The following DLGAP2 variants were observed in gnomAD, a reference collection of about 807,000 sequenced individuals.
DLGAP2 encodes DLG associated protein 2.
Under a neutral mutation model 100.3 loss-of-function variants are expected in DLGAP2, and 26 were observed. The ratio of observed to expected loss-of-function variants is 0.26; its 90% CI spans 0.19 to 0.36. The LOEUF (loss-of-function observed/expected upper bound fraction) is 0.36, where lower values mean the gene tolerates loss of function less well. DLGAP2 is among the 10% of genes least tolerant of loss of function. The pLI is 1.00. For synonymous variants in DLGAP2, 886 were observed against 630.1 expected (o/e 1.41, Z -6.08); for missense variants, 1,858 against 1,453.2 (o/e 1.28, Z -4.53).
intron 10 of DLGAP2, among the ~76,000 whole-genome samples, chr8:1,672,587 G>C (rs1388403889): frequency 1.3e-5 from 2 of 152,200 alleles, no homozygotes; most frequent in African/African-American, 4.8e-5. Flanking sequence ...GGGCAGCCTG[G>C]AAAAGACTCT....
chr8:971,477 C>T (rs535780809), intron 2 of DLGAP2, among the ~76,000 whole-genome samples: 2 of 152,304 alleles, frequency 1.3e-5, no homozygotes, highest in Non-Finnish European at 2.9e-5. Context: ...TTGTTACCAC[C>T]ACTGGGAGAA....
chr8:1,225,790 G>A (rs1650955840), intron 2 of DLGAP2, among the ~76,000 whole-genome samples: 1 of 152,140 alleles, frequency 6.6e-6, no homozygotes, highest in Admixed American at 6.5e-5. Context: ...GTGTATTGTG[G>A]TGAATGCAGT....
chr8:1,665,696 T>C lies in DLGAP2; in HGVS notation c.1811-2633T>C, dbSNP rs564226954. 6.5e-4 allele frequency among the ~76,000 whole-genome samples: 99 copies of C among 152,354 alleles called. 1 individual carries two copies. Among genetic ancestry groups the C allele is most frequent in the African/African-American group, 2.2e-3 (90 of 41,588 alleles). On this transcript the variant is annotated intron_variant, in intron 8 of 14. Transcript: ENST00000637795. ...GCCAGCTTTGCCACTGGAGAGGTCA[T>C]TGAGAGCCCCCGTCCGCAGTCTCGC...
intron 2 of DLGAP2, among the ~76,000 whole-genome samples, chr8:1,100,149 A>G (rs555224890): frequency 4.0e-5 from 6 of 148,330 alleles, no homozygotes; most frequent in African/African-American, 1.5e-4. Context: ...TTTGTCCAGC[A>G]TGTCCACAGT....
rs138648599 is a variant in DLGAP2, at chr8:1,413,855, G to A, written c.107-87511G>A. Among the ~76,000 whole-genome samples the A allele has an allele frequency of 3.5e-3, 531 of 152,338 alleles. 3 individuals carry two copies. Among genetic ancestry groups the A allele is most frequent in the African/African-American group, 0.012 (491 of 41,562 alleles). On this transcript the variant is annotated intron_variant, in intron 3 of 14. Transcript: ENST00000637795. The stretch of plus-strand genomic sequence containing the variant: ...TGAGGCACAGCCTGAGAAGAGGCAC[G>A]TGCAGATGCACAATGTCAATGGCAT...
intron 3 of DLGAP2, among the ~76,000 whole-genome samples, chr8:1,271,275 G>A (rs1052727220): frequency 2.6e-5 from 4 of 152,264 alleles, no homozygotes; most frequent in South Asian, 2.1e-4. Flanking sequence ...TCCAGCCAGC[G>A]GTGTGACTTC....
intron 10 of DLGAP2, among the ~76,000 whole-genome samples, chr8:1,675,461 G>C (rs564270988): frequency 6.6e-6 from 1 of 152,208 alleles, no homozygotes; most frequent in Non-Finnish European, 1.5e-5. Context: ...CACCAAATAA[G>C]TCTTCGCTGT....
intron 2 of DLGAP2, among the ~76,000 whole-genome samples, chr8:934,424 C>T (rs567958705): frequency 3.3e-5 from 5 of 152,264 alleles, no homozygotes; most frequent in African/African-American, 9.6e-5. Flanking sequence ...TTAGTGGGAA[C>T]GGCAGCCTGT....
chr8:1,312,303 C>A (rs181207079), intron 3 of DLGAP2, among the ~76,000 whole-genome samples: 11 of 152,152 alleles, frequency 7.2e-5, no homozygotes, highest in South Asian at 4.1e-4. Flanking sequence ...GAGACCGCAC[C>A]GAAGGCACCT....
At chr8:1,251,693 G>A (rs117539097) in intron 2 of DLGAP2, among the ~76,000 whole-genome samples, 1 of 152,172 alleles carries the variant, frequency 6.6e-6, no homozygotes, top group Non-Finnish European at 1.5e-5. Context: ...TGTGATCGTG[G>A]AGTCAGGTCA....
intron 8 of DLGAP2, among the ~76,000 whole-genome samples, chr8:1,651,670 A>G (rs1798168291): frequency 6.6e-6 from 1 of 152,204 alleles, no homozygotes; most frequent in South Asian, 2.1e-4. Context: ...CTCTGCGTTC[A>G]CAAAACCACC....
chr8:773,041 G>T (rs945609094), intron 1 of DLGAP2, among the ~76,000 whole-genome samples: 2 of 152,160 alleles, frequency 1.3e-5, no homozygotes, highest in African/African-American at 2.4e-5. Context: ...GTGGAGGAGT[G>T]CCCAGGCCAT....
intron 2 of DLGAP2, among the ~76,000 whole-genome samples, chr8:1,245,280 A>T (rs1270279404): frequency 6.6e-6 from 1 of 152,204 alleles, no homozygotes; most frequent in South Asian, 2.1e-4. Flanking sequence ...CACTAAAAAA[A>T]CTCATACCTG....
chr8:1,097,750 G>C (rs1033060687), intron 2 of DLGAP2, among the ~76,000 whole-genome samples: 5 of 135,738 alleles, frequency 3.7e-5, no homozygotes, highest in Non-Finnish European at 7.8e-5. Context: ...GGGAGCCTAG[G>C]GCAGGCCTTC....
rs114436966 is a variant in DLGAP2 at position 1,434,282 on chromosome 8, A to G, written c.107-67084A>G. ...TCCTGCAGATTATCTGAGTCTGCAGAGATGGGGTCCTTGAGTGACCCAGGA... is the reference window on the plus strand; with the variant it reads ...TCCTGCAGATTATCTGAGTCTGCAGGGATGGGGTCCTTGAGTGACCCAGGA... On this transcript the variant is annotated intron_variant, in intron 3 of 14. Transcript: ENST00000637795. Among the ~76,000 whole-genome samples, 123 of 152,180 alleles carry G rather than the reference A, an allele frequency of 8.1e-4. 1 individual carries two copies. Among genetic ancestry groups the G allele is most frequent in the African/African-American group, 2.9e-3 (120 of 41,528 alleles).
rs6986135 is a variant in DLGAP2, at chr8:1,244,047, C to G, written c.74-14804C>G. On this transcript the variant is annotated intron_variant, in intron 2 of 14. Transcript: ENST00000637795. ...AGGGATGGTGAGTGCCAGCTCCCAG[C>G]CTCCGCACTCCACCGTAGGGATGGT... Among the ~76,000 whole-genome samples, 1,445 of 151,034 alleles carry G rather than the reference C, an allele frequency of 9.6e-3. 24 individuals carry two copies. Among genetic ancestry groups the G allele is most frequent in the African/African-American group, 0.032 (1,327 of 41,250 alleles).
At chr8:1,550,120 C>T (rs892800722) in intron 5 of DLGAP2, among the ~76,000 whole-genome samples, 1 of 152,186 alleles carries the variant, frequency 6.6e-6, no homozygotes, top group Admixed American at 6.5e-5. Context: ...ACCATGTGGC[C>T]TCTATCTGTG....
chr8:1,535,920 A>G (rs1300737240), intron 4 of DLGAP2, among the ~76,000 whole-genome samples: 1 of 152,214 alleles, frequency 6.6e-6, no homozygotes, highest in East Asian at 1.9e-4. Context: ...AGCCAGCACA[A>G]GCACCACAAG....
chr8:1,238,774 T>TA (rs200035435), intron 2 of DLGAP2, among the ~76,000 whole-genome samples: 1 of 48,292 alleles, frequency 2.1e-5, no homozygotes, highest in African/African-American at 8.3e-5. Flanking sequence ...CGTGTCTAGT[T>TA]CTCTCACATG....
Sources: gnomAD v4.1 joint callset for allele counts (sites outside exome capture counted in the v4.1 genomes callset) on GRCh38, gnomAD v4.1.1 for gene constraint, MANE v1.5 for transcripts, NCBI Gene and HGNC (gene_info 2026-07-23, HGNC 2026-07-21) for gene names.